The following SLC14A1 variants were observed in gnomAD, a reference collection of about 807,000 sequenced individuals.
The protein encoded by SLC14A1 is urea transporter 1.
In SLC14A1, 36 loss-of-function variants were observed where a neutral mutation model predicts 39.6. The observed-to-expected ratio is 0.91, with a 90% CI of 0.70 to 1.20. The LOEUF is 1.20. Among genes scored for constraint, SLC14A1 ranks in the 50% most tolerant of loss-of-function variants. The pLI is 0.00. For synonymous variants in SLC14A1, 164 were observed against 173.6 expected (o/e 0.94, Z 0.43); for missense variants, 469 against 478.7 (o/e 0.98, Z 0.19).
chr18:45,739,820 C>A, intron 8 of SLC14A1, 158 bp downstream of exon 8: 1 of 846,170 alleles, frequency 1.2e-6, no homozygotes. Context: ...GACGTCCCCT[C>A]TCTGAGAGCA....
rs34756616 is a variant in SLC14A1 at position 45,736,567 on chromosome 18, C to T, written c.582C>T (p.Tyr194=). The change falls in exon 6 of 10, where the codon TAC becomes TAT. Residue 194 remains tyrosine, a synonymous_variant. Transcript: ENST00000321925. The stretch of plus-strand genomic sequence containing the variant: ...TGTACCTTTCAGCCACAGGACATTA[C>T]AATCCATTCTTTCCAGCCAAACTGG... ...LSMYLSATGH[Y]NPFFPAKLVI... The T allele has an allele frequency of 5.3e-3, 8,496 of 1,614,114 alleles. 36 individuals are homozygous for T. The highest frequency in any genetic ancestry group is 6.3e-3 in the Non-Finnish European group (7,487 of 1,179,956).
In SLC14A1 at chr18:45,739,214, C is replaced by G; in HGVS notation, c.715C>G (p.Pro239Ala). 1 of 1,614,076 alleles carries G rather than the reference C, an allele frequency of 6.2e-7. No individual in the cohort carries two copies. Among genetic ancestry groups the G allele is most frequent in the Non-Finnish European group, 8.5e-7 (1 of 1,179,998 alleles). ...GVGQIYGCDN[P>A]WTGGIFLGAI... Reference sequence around the variant, plus strand: ...TGGTCAGATCTATGGCTGTGATAATCCATGGACAGGGGGCATTTTCCTGGG... The same window carrying G: ...TGGTCAGATCTATGGCTGTGATAATGCATGGACAGGGGGCATTTTCCTGGG... The change falls in exon 7 of 10, where the codon CCA (proline) becomes GCA (alanine). Residue 239 changes from proline (P) to alanine (A), a missense_variant. Physicochemically the swap from Pro to Ala is conservative, Grantham distance 27. Transcript: ENST00000321925.
chr18:45,744,158 A>G (rs1356057113), intron 8 of SLC14A1, among the ~76,000 whole-genome samples: 1 of 152,106 alleles, frequency 6.6e-6, no homozygotes, highest in Non-Finnish European at 1.5e-5. Context: ...GATTACAGAC[A>G]TGCACCACCA....
chr18:45,745,703 A>C (rs2047526850), intron 8 of SLC14A1, among the ~76,000 whole-genome samples: 1 of 152,250 alleles, frequency 6.6e-6, no homozygotes, highest in Non-Finnish European at 1.5e-5. Flanking sequence ...TTTTGATTTC[A>C]GTGGATGCCA....
Position 45,734,415 on chromosome 18 carries a change from T to G in SLC14A1, c.470+13T>G. ...TGTCCATGACTTGGTAAGTTACAAT[T>G]GGTTTTCAAAATGCCTTTTTGAAAA... On this transcript the variant is annotated intron_variant, in intron 5 of 9. Coordinates refer to ENST00000321925, the MANE Select transcript of SLC14A1 (RefSeq NM_015865.7). The G allele has an allele frequency of 1.3e-6, 2 of 1,595,494 alleles. No homozygotes were observed. The highest frequency in any genetic ancestry group is 1.7e-6 in the Non-Finnish European group (2 of 1,172,174).
intron 2 of SLC14A1, chr18:45,727,501 TG>T: frequency 4.2e-6 from 6 of 1,433,984 alleles, no homozygotes; most frequent in Non-Finnish European, 5.5e-6. Context: ...GGGCAGAGCC[TG>T]GGAAGTGGGG....
At chr18:45,744,312 G>A (rs2047482103) in intron 8 of SLC14A1, among the ~76,000 whole-genome samples, 1 of 152,120 alleles carries the variant, frequency 6.6e-6, no homozygotes, top group Non-Finnish European at 1.5e-5. Context: ...TTTTCAAAGA[G>A]GGTTTGCAAA....
At chr18:45,731,835 C>A (rs2047039350) in intron 4 of SLC14A1, among the ~76,000 whole-genome samples, 1 of 152,208 alleles carries the variant, frequency 6.6e-6, no homozygotes, top group Admixed American at 6.5e-5. Flanking sequence ...CTAGCCAGTT[C>A]CTTTAGGGAG....
At chr18:45,728,211 G>A (rs758264428) in intron 2 of SLC14A1, among the ~76,000 whole-genome samples, 16 of 152,148 alleles carry the variant, frequency 1.1e-4, no homozygotes, top group Admixed American at 3.3e-4. Flanking sequence ...TCTCAATCAC[G>A]TCTGGCCAGT....
Position 45,752,182 on chromosome 18 carries a change from C to A in SLC14A1, c.*2231C>A, listed in dbSNP as rs781233624. On this transcript the variant is annotated 3_prime_UTR_variant, in exon 10 of 10. Coordinates refer to ENST00000321925, the MANE Select transcript of SLC14A1 (RefSeq NM_015865.7). ...AACTGAACCCTTTCTTGTTAGGGAA[C>A]GTGTGAAAGAAGAATTGTGGGGAAA... 6 of 985,106 alleles carry A rather than the reference C, an allele frequency of 6.1e-6. No homozygotes were observed. Among genetic ancestry groups the A allele is most frequent in the Non-Finnish European group, 6.0e-6 (5 of 829,908 alleles). The allele number at this position is 985,106 out of a possible 1,614,324, so 61.0% of individuals were successfully genotyped here. A position where few individuals can be genotyped will look rare whatever the true frequency, so the allele number is the denominator to read the frequency against.
At chr18:45,727,341 G>A (rs2046894885) in intron 2 of SLC14A1, 1 of 1,551,504 alleles carries the variant, frequency 6.4e-7, no homozygotes, top group South Asian at 1.2e-5. Context: ...GGACCCTTTT[G>A]GAACTAAAGC....
intron 2 of SLC14A1, among the ~76,000 whole-genome samples, chr18:45,725,517 T>G (rs2046839704): frequency 6.6e-6 from 1 of 152,182 alleles, no homozygotes; most frequent in African/African-American, 2.4e-5. Context: ...TCTTTGTGGT[T>G]GTTCAACCCC....
chr18:45,745,194 A>G (rs1682392), intron 8 of SLC14A1, among the ~76,000 whole-genome samples: 40,867 of 152,214 alleles, frequency 0.27, 6,780 homozygotes, highest in Middle Eastern at 0.38. Context: ...GTGAGCTGAG[A>G]TCATGCCACT....
chr18:45,752,295 C>G lies in SLC14A1; in HGVS notation c.*2344C>G. 4.2e-6 allele frequency: 4 copies of G among 942,346 alleles called. No individual in the cohort carries two copies. The South Asian group carries it at 1.5e-4, about 35-fold the overall frequency. 58.4% of individuals were successfully genotyped at this position (942,346 alleles called of 1,614,324 possible). A position where few individuals can be genotyped will look rare whatever the true frequency, so the allele number is the denominator to read the frequency against. On this transcript the variant is annotated 3_prime_UTR_variant, in exon 10 of 10. Transcript: ENST00000321925. ...AGAGGCCTCTAAAATGGACCCGAGT[C>G]GATCTTCAGAACAGGGATCTACCAT...
intron 2 of SLC14A1, among the ~76,000 whole-genome samples, chr18:45,727,996 T>C (rs965858153): frequency 6.6e-6 from 1 of 152,186 alleles, no homozygotes; most frequent in African/African-American, 2.4e-5. Flanking sequence ...CTGGGGACTC[T>C]AAAATAGCAG....
At chr18:45,740,569 T>A (rs1200967787) in intron 8 of SLC14A1, among the ~76,000 whole-genome samples, 1 of 151,432 alleles carries the variant, frequency 6.6e-6, no homozygotes, top group South Asian at 2.1e-4. Context: ...AGGGTCTCAT[T>A]CTGTTGCCCA....
chr18:45,743,867 T>C (rs1193914345), intron 8 of SLC14A1, among the ~76,000 whole-genome samples: 1 of 152,220 alleles, frequency 6.6e-6, no homozygotes, highest in East Asian at 1.9e-4. Context: ...CCACCCCTGA[T>C]GACTACTAAA....
Position 45,731,020 on chromosome 18 carries a change from C to A in SLC14A1, c.157C>A (p.Pro53Thr), listed in dbSNP as rs945178802. 1 of 1,614,156 alleles carries A rather than the reference C, an allele frequency of 6.2e-7. No individual in the cohort carries two copies. Among genetic ancestry groups the A allele is most frequent in the Non-Finnish European group, 8.5e-7 (1 of 1,179,988 alleles). ...KELANQLKDK[P>T]VVLQFIDWIL... ...CTTTACCTCATCCCTTCCAGACAAA[C>A]CCGTGGTGCTCCAGTTCATTGACTG... Residue 53 changes from proline (P) to threonine (T), a missense_variant, in exon 4 of 10, where the codon CCC becomes ACC. Transcript: ENST00000321925.
At chr18:45,734,783 T>G (rs1426180074) in intron 5 of SLC14A1, among the ~76,000 whole-genome samples, 1 of 149,294 alleles carries the variant, frequency 6.7e-6, no homozygotes, top group Non-Finnish European at 1.5e-5. Flanking sequence ...GGAGGAGGAG[T>G]AGCAGGAGGA....
Sources: gnomAD v4.1 joint callset for allele counts (sites outside exome capture counted in the v4.1 genomes callset) on GRCh38, gnomAD v4.1.1 for gene constraint, MANE v1.5 for transcripts, NCBI Gene and HGNC (gene_info 2026-07-23, HGNC 2026-07-21) for gene names.